Variants in XYLT1 observed in about 807,000 individuals in gnomAD.
The protein encoded by XYLT1 is xylosyltransferase 1.
Under a neutral mutation model 91.3 loss-of-function variants are expected in XYLT1, and 36 were observed. That is an observed-to-expected ratio of 0.39 (90% confidence interval 0.30 to 0.52). XYLT1 has a LOEUF of 0.52. Ranked by LOEUF, XYLT1 falls within the 20% of genes least tolerant of loss-of-function variation. The pLI, the probability that XYLT1 is intolerant of heterozygous loss-of-function variation, is 0.68. For missense variants in XYLT1, 1,242 were observed against 1,284.5 expected (o/e 0.97, Z 0.51); for synonymous variants, 588 against 532.0 (o/e 1.11, Z -1.45).
intron 2 of XYLT1, among the ~76,000 whole-genome samples, chr16:17,314,988 C>T (rs1337878762): frequency 6.6e-6 from 1 of 152,176 alleles, no homozygotes; most frequent in Non-Finnish European, 1.5e-5. Context: ...TTGGCTTATA[C>T]TGAAAGAGGC....
chr16:17,408,151 TA>T (rs1476105276), intron 1 of XYLT1, among the ~76,000 whole-genome samples: 2 of 152,198 alleles, frequency 1.3e-5, no homozygotes, highest in Non-Finnish European at 2.9e-5. Flanking sequence ...TAATACAAAA[TA>T]TACGATGATA....
intron 2 of XYLT1, among the ~76,000 whole-genome samples, chr16:17,287,932 A>G (rs1320702159): frequency 1.4e-5 from 2 of 140,368 alleles, no homozygotes; most frequent in Middle Eastern, 3.8e-3. Flanking sequence ...TATTAGGCAT[A>G]ATTTTTCTTT....
At chr16:17,401,397 T>G (rs1022084369) in intron 1 of XYLT1, among the ~76,000 whole-genome samples, 1 of 152,172 alleles carries the variant, frequency 6.6e-6, no homozygotes, top group Non-Finnish European at 1.5e-5. Flanking sequence ...TGGGCACATA[T>G]TTAGCATTTG....
At chr16:17,308,000 C>T (rs1474356164) in intron 2 of XYLT1, among the ~76,000 whole-genome samples, 1 of 152,206 alleles carries the variant, frequency 6.6e-6, no homozygotes, top group Non-Finnish European at 1.5e-5. Flanking sequence ...GATCCATTCC[C>T]CACTCTCCAT....
chr16:17,339,220 C>T (rs566798712), intron 2 of XYLT1, among the ~76,000 whole-genome samples: 3 of 152,196 alleles, frequency 2.0e-5, no homozygotes, highest in Non-Finnish European at 2.9e-5. Context: ...TGGGGGTCTT[C>T]GAACTTGTAC....
intron 1 of XYLT1, among the ~76,000 whole-genome samples, chr16:17,434,882 A>AG (rs1437744907): frequency 6.6e-6 from 1 of 152,094 alleles, no homozygotes; most frequent in Non-Finnish European, 1.5e-5. Context: ...AAAAAAAAAA[A>AG]AAGAAGAAGA....
At position 17,305,018 on chromosome 16, in the gene XYLT1, C is replaced by T. The variant is rs117560726; in HGVS notation, c.403-45520G>A. Among the ~76,000 whole-genome samples, 7 of 152,288 alleles carry T rather than the reference C, an allele frequency of 4.6e-5. No individual in the cohort carries two copies. The East Asian group carries it at 1.4e-3, about 29-fold the overall frequency. ...TGGAAGTCCTTGCATGTTTATAGCA[C>T]CACTCAGTGCCGCAGGGTGCCCACT... On this transcript the variant is annotated intron_variant, in intron 2 of 11. Coordinates refer to ENST00000261381, the MANE Select transcript of XYLT1 (RefSeq NM_022166.4).
chr16:17,382,077 C>A (rs1457988685), intron 1 of XYLT1, among the ~76,000 whole-genome samples: 1 of 151,844 alleles, frequency 6.6e-6, no homozygotes. Flanking sequence ...TGTGCCGTGC[C>A]CCCTCCCTCA....
intron 3 of XYLT1, among the ~76,000 whole-genome samples, chr16:17,220,575 C>T (rs112321406): frequency 3.9e-5 from 6 of 152,156 alleles, no homozygotes; most frequent in Admixed American, 6.5e-5. Flanking sequence ...TGGGTTCAAG[C>T]GATTCTCCTG....
rs1478771212 is a variant in XYLT1, at chr16:17,346,458, G to A, written c.402+11554C>T. On this transcript the variant is annotated intron_variant, in intron 2 of 11. Transcript: ENST00000261381. ...GAGGCCCCATGCAAAGGGGCAGCTG[G>A]TGGTCACCAGTCATGGACATCCAGC... Among the ~76,000 whole-genome samples the A allele has an allele frequency of 2.6e-5, 4 of 152,164 alleles. No homozygotes were observed. In the East Asian group the frequency reaches 5.8e-4, roughly 22 times the overall value.
At chr16:17,232,433 A>G (rs867544319) in intron 3 of XYLT1, among the ~76,000 whole-genome samples, 2,416 of 106,168 alleles carry the variant, frequency 0.023, 76 homozygotes, top group African/African-American at 0.072. Flanking sequence ...GTGTGTGTAT[A>G]TATATATATA....
intron 6 of XYLT1, among the ~76,000 whole-genome samples, chr16:17,150,836 T>C (rs1382984715): frequency 6.6e-6 from 1 of 152,088 alleles, no homozygotes; most frequent in East Asian, 1.9e-4. Flanking sequence ...GTGGAGATCA[T>C]TGGGGAAGGC....
At chr16:17,189,100 T>C (rs542630531) in intron 5 of XYLT1, among the ~76,000 whole-genome samples, 109 of 152,104 alleles carry the variant, frequency 7.2e-4, no homozygotes, top group Non-Finnish European at 1.0e-3. Flanking sequence ...TCTGTGGGAG[T>C]AGAGAAGTAT....
At chr16:17,130,356 G>A (rs1313892757) in intron 9 of XYLT1, among the ~76,000 whole-genome samples, 1 of 152,258 alleles carries the variant, frequency 6.6e-6, no homozygotes, top group African/African-American at 2.4e-5. Context: ...GCCAGTGTGT[G>A]TTCTGTGAGG....
At chr16:17,187,706 C>T (rs911137223) in intron 5 of XYLT1, among the ~76,000 whole-genome samples, 3 of 151,370 alleles carry the variant, frequency 2.0e-5, no homozygotes, top group Non-Finnish European at 4.4e-5. Flanking sequence ...AGTACAATGG[C>T]GTGATCTCAG....
chr16:17,271,419 G>A (rs1011208538), intron 2 of XYLT1, among the ~76,000 whole-genome samples: 1 of 152,066 alleles, frequency 6.6e-6, no homozygotes, highest in Admixed American at 6.6e-5. Flanking sequence ...GAAAGATACA[G>A]AGAGAGACAC....
chr16:17,151,555 C>T (rs541680815), intron 6 of XYLT1, among the ~76,000 whole-genome samples: 44 of 152,252 alleles, frequency 2.9e-4, no homozygotes, highest in Admixed American at 1.4e-3. Flanking sequence ...CGATGATGAT[C>T]GCATTTATGT....
At chr16:17,257,971 G>A (rs533776453) in intron 3 of XYLT1, among the ~76,000 whole-genome samples, 7 of 152,214 alleles carry the variant, frequency 4.6e-5, no homozygotes, top group Admixed American at 3.9e-4. Flanking sequence ...TTGCACATGC[G>A]CTAGTGAAAC....
chr16:17,327,369 T>C (rs1033117014), intron 2 of XYLT1, among the ~76,000 whole-genome samples: 3 of 146,812 alleles, frequency 2.0e-5, no homozygotes, highest in Admixed American at 6.7e-5. Context: ...TTCTTTTTTT[T>C]TTTTTTTTTT....
Sources: allele counts gnomAD v4.1 joint callset (sites outside exome capture counted in the v4.1 genomes callset), GRCh38; gene constraint gnomAD v4.1.1; transcripts MANE v1.5; gene names NCBI Gene and HGNC (gene_info 2026-07-23, HGNC 2026-07-21).